SUGCT: variants seen among roughly 807,000 people sequenced by gnomAD.
SUGCT encodes the protein succinyl-CoA:glutarate-CoA transferase.
Under a neutral mutation model 55.0 loss-of-function variants are expected in SUGCT, and 41 were observed. The observed-to-expected ratio is 0.74, with a 90% CI of 0.58 to 0.97. The LOEUF (loss-of-function observed/expected upper bound fraction) is 0.97, where lower values mean the gene tolerates loss of function less well. SUGCT is among the 50% of genes least tolerant of loss of function. The pLI is 0.00. For synonymous variants in SUGCT, 187 were observed against 200.4 expected, an observed-to-expected ratio of 0.93 and a Z score of 0.56; for missense variants, 568 against 547.8, an observed-to-expected ratio of 1.04 and a Z score of -0.37.
At chr7:40,921,397 G>A in the SUGCT span, among the ~76,000 whole-genome samples, 1 of 152,172 alleles carries the variant, frequency 6.6e-6, no homozygotes, top group African/African-American at 2.4e-5. Flanking sequence ...CCTAGTGAGA[G>A]GGAATAGCAA....
intron 12 of SUGCT, among the ~76,000 whole-genome samples, chr7:40,567,682 ACT>A (rs1796220642): frequency 6.6e-6 from 1 of 152,100 alleles, no homozygotes. Context: ...TTGTTCTCAC[ACT>A]CTCTTCTTTG....
intron 13 of SUGCT, among the ~76,000 whole-genome samples, chr7:40,772,544 A>G (rs1362031184): frequency 2.5e-4 from 36 of 146,806 alleles, no homozygotes; most frequent in Non-Finnish European, 3.4e-4. Context: ...CTATCTATCT[A>G]TCTATCTATC....
At chr7:40,272,857 A>G (rs1792183603) in intron 7 of SUGCT, among the ~76,000 whole-genome samples, 1 of 149,992 alleles carries the variant, frequency 6.7e-6, no homozygotes, top group South Asian at 2.1e-4. Flanking sequence ...ACGGGGTTTC[A>G]CCATGTTGGC....
intron 12 of SUGCT, among the ~76,000 whole-genome samples, chr7:40,650,397 G>GAAACC (rs1185457942): frequency 2.6e-5 from 4 of 152,190 alleles, no homozygotes; most frequent in Admixed American, 6.5e-5. Flanking sequence ...CCTGAAACAT[G>GAAACC]TTGGTTTCAG....
chr7:40,196,669 A>C (rs898953696), intron 6 of SUGCT, among the ~76,000 whole-genome samples: 1 of 152,134 alleles, frequency 6.6e-6, no homozygotes, highest in Non-Finnish European at 1.5e-5. Context: ...GACAACACCA[A>C]GTGCACTAGC....
chr7:40,953,409 A>G, the SUGCT span, among the ~76,000 whole-genome samples: 1 of 152,146 alleles, frequency 6.6e-6, no homozygotes, highest in Admixed American at 6.6e-5. Context: ...TTCCTCCTTT[A>G]GCTTGGAGAC....
intron 12 of SUGCT, among the ~76,000 whole-genome samples, chr7:40,581,695 A>G (rs1480814288): frequency 6.6e-6 from 1 of 152,214 alleles, no homozygotes; most frequent in Non-Finnish European, 1.5e-5. Context: ...GAGGAAATAA[A>G]AAATAGGAAC....
chr7:40,395,939 T>C (rs1407533872), intron 9 of SUGCT, among the ~76,000 whole-genome samples: 1 of 152,204 alleles, frequency 6.6e-6, no homozygotes, highest in African/African-American at 2.4e-5. Flanking sequence ...AAACTTTCCT[T>C]TAAGAGACAC....
chr7:40,845,053 G>GT (rs1584525112), intron 13 of SUGCT, among the ~76,000 whole-genome samples: 4 of 141,440 alleles, frequency 2.8e-5, no homozygotes, highest in East Asian at 5.3e-4. Flanking sequence ...GGTTTTTGGT[G>GT]GTTTATTTTT....
At chr7:40,815,732 G>A (rs1330407420) in intron 13 of SUGCT, among the ~76,000 whole-genome samples, 2 of 152,170 alleles carry the variant, frequency 1.3e-5, no homozygotes. Context: ...GCCTGCATGT[G>A]AAGCAGAGAG....
intron 1 of SUGCT, among the ~76,000 whole-genome samples, chr7:40,143,164 A>C (rs1003348699): frequency 3.3e-5 from 5 of 152,190 alleles, no homozygotes; most frequent in African/African-American, 1.2e-4. Flanking sequence ...TAGAGCATAA[A>C]TACTGCTCTA....
intron 11 of SUGCT, among the ~76,000 whole-genome samples, chr7:40,474,517 G>A (rs1228067487): frequency 2.0e-5 from 3 of 152,094 alleles, no homozygotes; most frequent in African/African-American, 4.8e-5. Flanking sequence ...CAGCACACTC[G>A]CATAGTTTTG....
At chr7:41,026,024 G>T in the SUGCT span, among the ~76,000 whole-genome samples, 7 of 152,292 alleles carry the variant, frequency 4.6e-5, no homozygotes, top group East Asian at 7.8e-4. Flanking sequence ...TTCACATCGG[G>T]ATTTCTCTGA....
At chr7:40,391,470 A>G (rs1389284890) in intron 9 of SUGCT, among the ~76,000 whole-genome samples, 3 of 152,208 alleles carry the variant, frequency 2.0e-5, no homozygotes, top group Non-Finnish European at 4.4e-5. Flanking sequence ...AAAAGTGGGC[A>G]AAGGATATGA....
chr7:40,401,043 G>A lies in SUGCT; in HGVS notation c.817-48244G>A, dbSNP rs148229289. 1.3e-3 allele frequency among the ~76,000 whole-genome samples: 204 copies of A among 152,236 alleles called. No homozygotes were observed. The Middle Eastern group carries it at 0.017, about 13-fold the overall frequency. ...TTCATCTTCATGTTACTCTTTAGCT[G>A]TAATTTACTCCTTTTTTGTCAATCA... On this transcript the variant is annotated intron_variant, in intron 9 of 13. Coordinates refer to ENST00000335693, the MANE Select transcript of SUGCT (RefSeq NM_001193313.2).
chr7:40,413,656 T>A, intron 9 of SUGCT, among the ~76,000 whole-genome samples: 1 of 152,300 alleles, frequency 6.6e-6, no homozygotes, highest in Non-Finnish European at 1.5e-5. Context: ...ATAGAAATAT[T>A]TATAATGTAA....
intron 12 of SUGCT, among the ~76,000 whole-genome samples, chr7:40,504,399 C>T (rs1024616700): frequency 1.3e-5 from 2 of 152,164 alleles, no homozygotes; most frequent in Non-Finnish European, 2.9e-5. Flanking sequence ...CTGCCTCAGC[C>T]TTCCAAAGTG....
chr7:40,996,878 A>C, the SUGCT span, among the ~76,000 whole-genome samples: 2 of 152,230 alleles, frequency 1.3e-5, no homozygotes, highest in African/African-American at 4.8e-5. Flanking sequence ...ACCTGTAATC[A>C]ATCATCAGAT....
intron 10 of SUGCT, 77 bp downstream of exon 10, chr7:40,449,435 C>G: frequency 1.0e-6 from 1 of 990,240 alleles, no homozygotes; most frequent in Non-Finnish European, 1.6e-6. Flanking sequence ...AGGTCACAAC[C>G]AACTTAGGCC....
Sources: allele counts gnomAD v4.1 joint callset (sites outside exome capture counted in the v4.1 genomes callset), GRCh38; gene constraint gnomAD v4.1.1; transcripts MANE v1.5; gene names NCBI Gene and HGNC (gene_info 2026-07-23, HGNC 2026-07-21).